The following COL15A1 variants were observed in gnomAD, a reference collection of about 807,000 sequenced individuals.
COL15A1 encodes the protein collagen alpha-1(XV) chain.
Under a neutral mutation model 165.9 loss-of-function variants are expected in COL15A1, and 111 were observed. The ratio of observed to expected loss-of-function variants is 0.67; its 90% CI spans 0.57 to 0.78. COL15A1 has a LOEUF of 0.78. Ranked by LOEUF, COL15A1 falls within the 30% of genes least tolerant of loss-of-function variation. The probability of loss-of-function intolerance (pLI) is 0.00; values close to 1 mark genes in which losing one functional copy is unlikely to be tolerated. For missense variants in COL15A1, 1,745 were observed against 1,789.7 expected (o/e 0.98, Z 0.45); for synonymous variants, 659 against 674.8 (o/e 0.98, Z 0.36).
intron 5 of COL15A1, among the ~76,000 whole-genome samples, chr9:98,996,378 TC>T (rs1838543033): frequency 6.6e-6 from 1 of 152,212 alleles, no homozygotes. Flanking sequence ...ACTGAAGCAC[TC>T]TGTGTTTCTG....
At chr9:98,994,452 C>T (rs187193001) in intron 5 of COL15A1, among the ~76,000 whole-genome samples, 1 of 152,156 alleles carries the variant, frequency 6.6e-6, no homozygotes, top group Non-Finnish European at 1.5e-5. Flanking sequence ...AGGATCCAGT[C>T]CACATCCTCT....
chr9:98,945,044 T>A (rs1837555523), intron 2 of COL15A1, among the ~76,000 whole-genome samples: 1 of 152,230 alleles, frequency 6.6e-6, no homozygotes, highest in Non-Finnish European at 1.5e-5. Context: ...TAGACCATTT[T>A]ACCTTCCTAG....
At chr9:98,985,076 G>A (rs1429504916) in intron 2 of COL15A1, among the ~76,000 whole-genome samples, 1 of 152,104 alleles carries the variant, frequency 6.6e-6, no homozygotes, top group African/African-American at 2.4e-5. Flanking sequence ...TTAGGCGTGA[G>A]CCACCATACC....
intron 11 of COL15A1, among the ~76,000 whole-genome samples, chr9:99,017,010 C>T (rs964514310): frequency 6.6e-6 from 1 of 152,214 alleles, no homozygotes; most frequent in Admixed American, 6.5e-5. Flanking sequence ...TGCTTCCTGT[C>T]TCTTTAGAGT....
At chr9:98,947,450 C>T (rs1416927092) in intron 2 of COL15A1, among the ~76,000 whole-genome samples, 1 of 151,994 alleles carries the variant, frequency 6.6e-6, no homozygotes, top group Non-Finnish European at 1.5e-5. Flanking sequence ...GGTAGTTGTG[C>T]AACTCTATAA....
chr9:98,945,979 A>G (rs1837577724), intron 2 of COL15A1, among the ~76,000 whole-genome samples: 1 of 152,234 alleles, frequency 6.6e-6, no homozygotes, highest in African/African-American at 2.4e-5. Flanking sequence ...AGGGAGGGCC[A>G]GCAAACCTTC....
intron 2 of COL15A1, among the ~76,000 whole-genome samples, chr9:98,978,597 C>A (rs113233189): frequency 6.6e-6 from 1 of 152,158 alleles, no homozygotes; most frequent in African/African-American, 2.4e-5. Flanking sequence ...GAAAAGAAAT[C>A]TCAGTGGGAT....
At chr9:98,990,485 C>T (rs1838400745) in intron 5 of COL15A1, among the ~76,000 whole-genome samples, 1 of 152,238 alleles carries the variant, frequency 6.6e-6, no homozygotes, top group South Asian at 2.1e-4. Flanking sequence ...CCCATCAGCC[C>T]TTGGCCATCC....
rs569404310 is a variant in COL15A1 at position 99,051,991 on chromosome 9, G to A, written c.2905-397G>A. 1.8e-3 allele frequency among the ~76,000 whole-genome samples: 270 copies of A among 152,334 alleles called. 2 individuals are homozygous for A. Among genetic ancestry groups the A allele is most frequent in the African/African-American group, 6.3e-3 (260 of 41,568 alleles). On this transcript the variant is annotated intron_variant, in intron 30 of 41. Coordinates refer to ENST00000375001, the MANE Select transcript of COL15A1 (RefSeq NM_001855.5). The stretch of plus-strand genomic sequence containing the variant: ...TAATGGCTGACCCGGTTTCACGGTT[G>A]GGCATGTCACTTGCTCGGATGCTTG...
chr9:99,044,489 A>G, intron 24 of COL15A1, 79 bp from the exon 25 acceptor site: 1 of 1,285,764 alleles, frequency 7.8e-7, no homozygotes, highest in African/African-American at 1.5e-5. Context: ...GGTGGCAAGG[A>G]GGAGTCTCTG....
intron 26 of COL15A1, among the ~76,000 whole-genome samples, chr9:99,045,007 GC>G (rs1452762496): frequency 1.3e-5 from 2 of 152,154 alleles, no homozygotes; most frequent in Non-Finnish European, 1.5e-5. Flanking sequence ...TCTCAGCTTG[GC>G]ATCTCTCCTC....
In COL15A1 at chr9:99,055,315, T is replaced by A. The variant is rs917845734; in HGVS notation, c.3135T>A (p.Ile1045=). The A allele has an allele frequency of 6.2e-7, 1 of 1,613,794 alleles. No individual in the cohort carries two copies. The highest frequency in any genetic ancestry group is 8.5e-7 in the Non-Finnish European group (1 of 1,179,836). Residue 1045 remains isoleucine (I), a synonymous_variant, in exon 34 of 42, where the codon ATT becomes ATA. Coordinates refer to ENST00000375001, the MANE Select transcript of COL15A1 (RefSeq NM_001855.5). ...GTGAAAAAGGAGAAAAAGGAGACATTAATGGCAGCTTCCTTATGTCTGGGC... is the reference window on the plus strand; with the variant it reads ...GTGAAAAAGGAGAAAAAGGAGACATAAATGGCAGCTTCCTTATGTCTGGGC... ...FKGEKGEKGD[I]NGSFLMSGPP...
rs1247531554 is a variant in COL15A1, at chr9:99,048,032, G to A, written c.2793+32G>A. 8 of 1,252,236 alleles carry A rather than the reference G, an allele frequency of 6.4e-6. No individual in the cohort carries two copies. The African/African-American group carries it at 1.0e-4, about 16-fold the overall frequency. 77.6% of individuals were successfully genotyped at this position (1,252,236 alleles called of 1,614,324 possible). Reference sequence around the variant, plus strand: ...CACCCTGGGGATGGAGCCGGAGGTTGGTGTCCAGAGAGGGTGAGAGAGTGT... The same window carrying A: ...CACCCTGGGGATGGAGCCGGAGGTTAGTGTCCAGAGAGGGTGAGAGAGTGT... On this transcript the variant is annotated intron_variant, in intron 28 of 41. Transcript: ENST00000375001.
At chr9:99,037,752 A>T (rs1159207098) in intron 21 of COL15A1, among the ~76,000 whole-genome samples, 1 of 152,148 alleles carries the variant, frequency 6.6e-6, no homozygotes, top group Non-Finnish European at 1.5e-5. Context: ...TTCCTAGAGG[A>T]AGTATCTTTG....
intron 38 of COL15A1, 28 bp from the exon 39 acceptor site, chr9:99,063,022 C>T (rs1452097566): frequency 1.3e-6 from 2 of 1,590,626 alleles, no homozygotes; most frequent in Admixed American, 1.8e-5. Flanking sequence ...ATATTCAGAA[C>T]TGTTTCTTTT....
At chr9:99,020,802 C>G (rs1258411462) in intron 12 of COL15A1, among the ~76,000 whole-genome samples, 1 of 152,218 alleles carries the variant, frequency 6.6e-6, no homozygotes, top group Non-Finnish European at 1.5e-5. Context: ...TGATTTTCTT[C>G]CTGGGAAAAT....
rs1187640462 is a variant in COL15A1, at chr9:99,004,909, T to C, written c.1212T>C (p.Asn404=). Residue 404 remains asparagine (N), a synonymous_variant, in exon 9 of 42, where the codon AAT becomes AAC. Coordinates refer to ENST00000375001, the MANE Select transcript of COL15A1 (RefSeq NM_001855.5). ...PEEGVTPGPD[N]EERLAATAAG... ...GACTTTCTATTCAGGGTCCAGATAA[T>C]GAAGAGCGTTTAGCAGCAACAGCAG... 6.2e-7 allele frequency: 1 copy of C among 1,614,000 alleles called. No homozygotes were observed. The highest frequency in any genetic ancestry group is 1.7e-5 in the Admixed American group (1 of 60,012).
rs888416679 is a variant in COL15A1 at position 99,069,969 on chromosome 9, G to T, written c.*83G>T. The T allele has an allele frequency of 1.2e-5, 13 of 1,075,084 alleles. No homozygotes were observed. Among genetic ancestry groups the T allele is most frequent in the South Asian group, 3.4e-5 (2 of 59,038 alleles). The allele number at this position is 1,075,084 out of a possible 1,614,324, so 66.6% of individuals were successfully genotyped here. On this transcript the variant is annotated 3_prime_UTR_variant, in exon 42 of 42. Coordinates refer to ENST00000375001, the MANE Select transcript of COL15A1 (RefSeq NM_001855.5). The stretch of plus-strand genomic sequence containing the variant: ...CTGAAATCTAAAATGTTTAATTGTT[G>T]TAAATATTACAGTTTTTTTTTTTTA...
chr9:98,958,823 GT>G (rs938421924), intron 2 of COL15A1, among the ~76,000 whole-genome samples: 10 of 152,162 alleles, frequency 6.6e-5, no homozygotes, highest in Admixed American at 1.3e-4. Flanking sequence ...GCTTTGCCAA[GT>G]CCCCTCCATT....
Sources: allele counts gnomAD v4.1 joint callset (sites outside exome capture counted in the v4.1 genomes callset), GRCh38; gene constraint gnomAD v4.1.1; transcripts MANE v1.5; gene names NCBI Gene and HGNC (gene_info 2026-07-23, HGNC 2026-07-21).